ROBO2: variants seen among roughly 807,000 people sequenced by gnomAD.
ROBO2 encodes roundabout homolog 2.
ROBO2 carries 53 observed loss-of-function variants against 160.8 expected under a neutral mutation model. The ratio of observed to expected loss-of-function variants is 0.33; its 90% CI spans 0.26 to 0.41. The LOEUF is 0.41. Among genes scored for constraint, ROBO2 ranks in the 10% least tolerant of loss-of-function variants. ROBO2 has a pLI of 1.00. For missense variants in ROBO2, 1,577 were observed against 1,722.4 expected (o/e 0.92, Z 1.49); for synonymous variants, 664 against 611.7 (o/e 1.09, Z -1.26).
chr3:77,471,346 C>T (rs745311603), intron 2 of ROBO2, among the ~76,000 whole-genome samples: 1 of 152,172 alleles, frequency 6.6e-6, no homozygotes, highest in Non-Finnish European at 1.5e-5. Context: ...GATATAAGCT[C>T]TAAAATCACA....
intron 2 of ROBO2, among the ~76,000 whole-genome samples, chr3:77,026,515 A>T (rs2062974578): frequency 6.6e-6 from 1 of 152,172 alleles, no homozygotes; most frequent in African/African-American, 2.4e-5. Context: ...ATGGCTTTCA[A>T]AGTAACTTTA....
intron 2 of ROBO2, among the ~76,000 whole-genome samples, chr3:76,257,238 GA>G (rs1706454169): frequency 6.6e-6 from 1 of 152,130 alleles, no homozygotes; most frequent in South Asian, 2.1e-4. Context: ...CAATTGATCA[GA>G]ATACCTTTAA....
chr3:76,075,246 C>T (rs960041271), intron 2 of ROBO2, among the ~76,000 whole-genome samples: 6 of 151,784 alleles, frequency 4.0e-5, no homozygotes, highest in African/African-American at 1.2e-4. Flanking sequence ...ACAGTAACTT[C>T]CAAGGCTGAG....
intron 2 of ROBO2, among the ~76,000 whole-genome samples, chr3:76,349,543 C>T (rs1173909439): frequency 6.6e-6 from 1 of 152,046 alleles, no homozygotes; most frequent in Non-Finnish European, 1.5e-5. Flanking sequence ...AATCTGATTT[C>T]AGAAGTGTGA....
intron 2 of ROBO2, among the ~76,000 whole-genome samples, chr3:77,267,069 G>A (rs1477025870): frequency 6.6e-6 from 1 of 152,006 alleles, no homozygotes; most frequent in Non-Finnish European, 1.5e-5. Flanking sequence ...GATATTCTCA[G>A]ACTCACAAAG....
chr3:77,504,476 C>T lies in ROBO2; in HGVS notation c.806+11094C>T, dbSNP rs528547518. 1.5e-4 allele frequency among the ~76,000 whole-genome samples: 23 copies of T among 151,608 alleles called. 1 individual carries two copies. In the South Asian group the frequency reaches 3.5e-3, roughly 23 times the overall value. On this transcript the variant is annotated intron_variant, in intron 5 of 25. Coordinates refer to ENST00000461745, the Ensembl canonical transcript of ROBO2. ...ATTCTAACCCACTAACTGACATTTT[C>T]TAACAGTTTGTCCAAATATTTACCA...
chr3:76,278,848 C>A (rs1708079411), intron 2 of ROBO2, among the ~76,000 whole-genome samples: 1 of 151,824 alleles, frequency 6.6e-6, no homozygotes, highest in South Asian at 2.1e-4. Context: ...ACTAGTCCTC[C>A]TCTATAGGTT....
At chr3:76,134,152 C>A (rs2071338111) in intron 2 of ROBO2, among the ~76,000 whole-genome samples, 1 of 152,074 alleles carries the variant, frequency 6.6e-6, no homozygotes, top group Non-Finnish European at 1.5e-5. Flanking sequence ...TCAACTGTTT[C>A]AGAGCTTGTT....
At chr3:76,596,561 G>C (rs966515004) in intron 2 of ROBO2, among the ~76,000 whole-genome samples, 3 of 152,062 alleles carry the variant, frequency 2.0e-5, no homozygotes, top group African/African-American at 7.2e-5. Flanking sequence ...AAATGTAGGT[G>C]GCAATCACAA....
At chr3:77,558,726 C>T (rs944803298) in intron 9 of ROBO2, among the ~76,000 whole-genome samples, 1 of 152,034 alleles carries the variant, frequency 6.6e-6, no homozygotes. Context: ...GCATTCCTGG[C>T]AACTTAACAA....
At chr3:77,387,129 A>G (rs1007948339) in intron 2 of ROBO2, among the ~76,000 whole-genome samples, 1 of 151,886 alleles carries the variant, frequency 6.6e-6, no homozygotes, top group African/African-American at 2.4e-5. Flanking sequence ...GATTTCTCAA[A>G]CTGTGATGCC....
At chr3:76,628,508 T>G (rs2089820589) in intron 2 of ROBO2, among the ~76,000 whole-genome samples, 1 of 149,004 alleles carries the variant, frequency 6.7e-6, no homozygotes, top group African/African-American at 2.5e-5. Flanking sequence ...GCTCAAAGAA[T>G]CACCTTCAGC....
chr3:77,270,128 G>C (rs1252530206), intron 2 of ROBO2, among the ~76,000 whole-genome samples: 1 of 152,124 alleles, frequency 6.6e-6, no homozygotes, highest in African/African-American at 2.4e-5. Context: ...GCTATAATGA[G>C]TTCATACTCC....
intron 2 of ROBO2, among the ~76,000 whole-genome samples, chr3:75,964,560 G>C (rs1022573140): frequency 1.3e-5 from 2 of 151,070 alleles, no homozygotes; most frequent in Non-Finnish European, 3.0e-5. Flanking sequence ...TATATATTTG[G>C]TATAATTCTG....
intron 2 of ROBO2, among the ~76,000 whole-genome samples, chr3:76,724,146 C>T (rs962643165): frequency 1.3e-5 from 2 of 152,142 alleles, no homozygotes; most frequent in African/African-American, 4.8e-5. Context: ...ATACTTTCAG[C>T]TTTTGTCCTT....
At chr3:77,515,876 T>G (rs1232502123) in intron 5 of ROBO2, among the ~76,000 whole-genome samples, 1 of 151,810 alleles carries the variant, frequency 6.6e-6, no homozygotes, top group Non-Finnish European at 1.5e-5. Flanking sequence ...AATTAGGACA[T>G]TAGACTAGGC....
chr3:77,102,419 A>G (rs1274000584), intron 2 of ROBO2, among the ~76,000 whole-genome samples: 3 of 152,226 alleles, frequency 2.0e-5, no homozygotes, highest in African/African-American at 4.8e-5. Context: ...GTATGTCTCC[A>G]GACATTGGAA....
chr3:76,367,837 AT>A (rs1362314698), intron 2 of ROBO2, among the ~76,000 whole-genome samples: 1 of 151,928 alleles, frequency 6.6e-6, no homozygotes, highest in African/African-American at 2.4e-5. Flanking sequence ...TTATTAATTC[AT>A]TTCCACAAGT....
intron 2 of ROBO2, among the ~76,000 whole-genome samples, chr3:76,187,422 GCAC>G (rs1235369463): frequency 6.7e-6 from 1 of 150,100 alleles, no homozygotes; most frequent in Non-Finnish European, 1.5e-5. Context: ...CAACAGGTGT[GCAC>G]CACCACACCC....
Sources: gnomAD v4.1 joint callset for allele counts (sites outside exome capture counted in the v4.1 genomes callset) on GRCh38, gnomAD v4.1.1 for gene constraint, MANE v1.5 for transcripts, NCBI Gene and HGNC (gene_info 2026-07-23, HGNC 2026-07-21) for gene names.